PXDNL: variants seen among roughly 807,000 people sequenced by gnomAD.
The protein encoded by PXDNL is probable oxidoreductase PXDNL.
Under a neutral mutation model 150.8 loss-of-function variants are expected in PXDNL, and 145 were observed. That is an observed-to-expected ratio of 0.96 (90% CI 0.84 to 1.10). The LOEUF is 1.10. Among genes scored for constraint, PXDNL ranks in the 50% least tolerant of loss-of-function variants. The pLI, the probability that PXDNL is intolerant of heterozygous loss-of-function variation, is 0.00. For missense variants in PXDNL, 2,087 were observed against 1,873.9 expected, an observed-to-expected ratio of 1.11 and a Z score of -2.10; for synonymous variants, 757 against 725.7, an observed-to-expected ratio of 1.04 and a Z score of -0.69.
intron 17 of PXDNL, among the ~76,000 whole-genome samples, chr8:51,386,830 A>G (rs374760339): frequency 6.6e-6 from 1 of 152,062 alleles, no homozygotes; most frequent in Middle Eastern, 3.2e-3. Context: ...TCTTGAAAAA[A>G]AAAAAAAGAA....
At chr8:51,698,393 A>C (rs554551853) in intron 1 of PXDNL, among the ~76,000 whole-genome samples, 1 of 152,340 alleles carries the variant, frequency 6.6e-6, no homozygotes, top group East Asian at 1.9e-4. Flanking sequence ...ATTCCATCTC[A>C]AAGAAGCCAC....
intron 1 of PXDNL, among the ~76,000 whole-genome samples, chr8:51,780,398 T>C (rs1470586589): frequency 6.6e-6 from 1 of 152,092 alleles, no homozygotes; most frequent in Admixed American, 6.5e-5. Flanking sequence ...AAAATACATA[T>C]GTAAATTCCC....
chr8:51,648,462 T>G (rs1814970142), intron 2 of PXDNL, among the ~76,000 whole-genome samples: 1 of 152,200 alleles, frequency 6.6e-6, no homozygotes, highest in African/African-American at 2.4e-5. Context: ...CACCAAAGGA[T>G]GCCAGCAGGG....
At chr8:51,331,694 G>A (rs1467306905) in intron 21 of PXDNL, among the ~76,000 whole-genome samples, 2 of 152,080 alleles carry the variant, frequency 1.3e-5, no homozygotes, top group Admixed American at 6.5e-5. Context: ...AGCTGGATGA[G>A]GCCTGTGACT....
intron 10 of PXDNL, among the ~76,000 whole-genome samples, chr8:51,450,243 C>T (rs1426269203): frequency 6.6e-6 from 1 of 152,196 alleles, no homozygotes; most frequent in Non-Finnish European, 1.5e-5. Flanking sequence ...CTGTCATCGC[C>T]ATCTTGCTTT....
intron 4 of PXDNL, among the ~76,000 whole-genome samples, chr8:51,549,729 C>A (rs1408820530): frequency 7.1e-6 from 1 of 139,984 alleles, no homozygotes; most frequent in African/African-American, 2.9e-5. Flanking sequence ...ATCAAAAAAT[C>A]TAAAAGAGCA....
intron 1 of PXDNL, among the ~76,000 whole-genome samples, chr8:51,699,417 G>T (rs1368444251): frequency 6.6e-6 from 1 of 152,220 alleles, no homozygotes; most frequent in African/African-American, 2.4e-5. Flanking sequence ...GAATTGAAGA[G>T]AGAGGGTGTG....
chr8:51,378,891 C>T (rs905866420), intron 17 of PXDNL, among the ~76,000 whole-genome samples: 2 of 152,208 alleles, frequency 1.3e-5, no homozygotes, highest in African/African-American at 4.8e-5. Context: ...GACACATCAC[C>T]TTTAAGAACT....
At position 51,531,389 on chromosome 8, in the gene PXDNL, C is replaced by T. The variant is rs373011548; in HGVS notation, c.380+25451G>A. Among the ~76,000 whole-genome samples, 7 of 152,266 alleles carry T rather than the reference C, an allele frequency of 4.6e-5. No homozygotes were observed. The South Asian group carries it at 8.3e-4, about 18-fold the overall frequency. ...CTATTCCTCCCTCCGCCCCACTGCC[C>T]ACAGCATATACTGAAGCCGGGGAGT... On this transcript the variant is annotated intron_variant, in intron 4 of 22. Transcript: ENST00000356297.
rs1397344876 is a variant in PXDNL at position 51,499,568 on chromosome 8, G to T, written c.452+131C>A. ...GAAAGCTTTATATTAACTCTGTTTT[G>T]TAGTGCCAAGGTACAGGCTCTGCCT... On this transcript the variant is annotated intron_variant, in intron 5 of 22. Transcript: ENST00000356297. 4 of 624,424 alleles carry T rather than the reference G, an allele frequency of 6.4e-6. No individual in the cohort carries two copies. The Admixed American group carries it at 7.9e-5, about 12-fold the overall frequency. The allele number at this position is 624,424 out of a possible 1,614,324, so 38.7% of individuals were successfully genotyped here.
chr8:51,496,744 C>G (rs1811061194), intron 5 of PXDNL, among the ~76,000 whole-genome samples: 1 of 152,010 alleles, frequency 6.6e-6, no homozygotes, highest in African/African-American at 2.4e-5. Flanking sequence ...CGTGAAGGAC[C>G]CCCAAGGAGA....
At chr8:51,778,826 A>C (rs2129247546) in intron 1 of PXDNL, among the ~76,000 whole-genome samples, 1 of 152,332 alleles carries the variant, frequency 6.6e-6, no homozygotes, top group South Asian at 2.1e-4. Flanking sequence ...CAGAAGCTAT[A>C]TTTTATTTCT....
intron 2 of PXDNL, among the ~76,000 whole-genome samples, chr8:51,629,934 C>A: frequency 6.6e-6 from 1 of 152,126 alleles, no homozygotes; most frequent in African/African-American, 2.4e-5. Context: ...TTAGAAAAAT[C>A]TATTTTACAA....
intron 3 of PXDNL, among the ~76,000 whole-genome samples, chr8:51,571,513 G>T (rs187520484): frequency 6.6e-6 from 1 of 151,678 alleles, no homozygotes; most frequent in Non-Finnish European, 1.5e-5. Flanking sequence ...TAAAAATAAG[G>T]CTTAAGCTAA....
At chr8:51,717,360 A>AG (rs1233946272) in intron 1 of PXDNL, among the ~76,000 whole-genome samples, 3 of 152,250 alleles carry the variant, frequency 2.0e-5, no homozygotes, top group Non-Finnish European at 4.4e-5. Context: ...GGGAAAAACC[A>AG]TTCTAAGGAC....
At chr8:51,450,348 A>T (rs1370568238) in intron 10 of PXDNL, among the ~76,000 whole-genome samples, 1 of 152,082 alleles carries the variant, frequency 6.6e-6, no homozygotes. Context: ...TCATCCTGTG[A>T]CTAAAAATAC....
chr8:51,699,175 G>T (rs982795180), intron 1 of PXDNL, among the ~76,000 whole-genome samples: 3 of 152,148 alleles, frequency 2.0e-5, no homozygotes, highest in African/African-American at 7.2e-5. Flanking sequence ...AGATTTGAAG[G>T]CAGGCATTGA....
intron 3 of PXDNL, among the ~76,000 whole-genome samples, chr8:51,558,107 C>T (rs139839847): frequency 4.2e-4 from 64 of 152,160 alleles, no homozygotes; most frequent in African/African-American, 1.4e-3. Flanking sequence ...ATTGAGAAGT[C>T]GTCTCAAAAC....
chr8:51,325,700 G>A (rs1265170300), intron 21 of PXDNL, among the ~76,000 whole-genome samples: 1 of 152,118 alleles, frequency 6.6e-6, no homozygotes, highest in Non-Finnish European at 1.5e-5. Flanking sequence ...GGAAGCCCAG[G>A]CTCCCCTTAT....
Sources: allele counts gnomAD v4.1 joint callset (sites outside exome capture counted in the v4.1 genomes callset), GRCh38; gene constraint gnomAD v4.1.1; transcripts MANE v1.5; gene names NCBI Gene and HGNC (gene_info 2026-07-23, HGNC 2026-07-21).